Variants in NAA15 observed in about 807,000 individuals in gnomAD.
NAA15 encodes the protein N-terminal acetyltransferase.
Under a neutral mutation model 114.0 loss-of-function variants are expected in NAA15, and 34 were observed. That is an observed-to-expected ratio of 0.30 (90% CI 0.23 to 0.40). NAA15 has a LOEUF of 0.40. Among genes scored for constraint, NAA15 ranks in the 10% least tolerant of loss-of-function variants. The pLI is 1.00. For synonymous variants in NAA15, 340 were observed against 338.0 expected (o/e 1.01, Z -0.06); for missense variants, 658 against 1,004.5 (o/e 0.66, Z 4.66).
intron 3 of NAA15, 21 bp downstream of exon 3, chr4:139,336,973 T>C: frequency 1.3e-6 from 2 of 1,523,078 alleles, no homozygotes; most frequent in Non-Finnish European, 1.8e-6. Flanking sequence ...TGAGATATAT[T>C]TAAGGTTTGA....
chr4:139,353,825 A>G (rs1215024740), intron 9 of NAA15, among the ~76,000 whole-genome samples: 1 of 152,230 alleles, frequency 6.6e-6, no homozygotes, highest in Non-Finnish European at 1.5e-5. Context: ...AAGTTTTTAT[A>G]AAATTACATC....
chr4:139,307,818 T>C (rs1179772382), intron 1 of NAA15, among the ~76,000 whole-genome samples: 1 of 152,156 alleles, frequency 6.6e-6, no homozygotes, highest in Non-Finnish European at 1.5e-5. Context: ...AAACTTTTTT[T>C]CTTTTCAGGG....
intron 14 of NAA15, among the ~76,000 whole-genome samples, chr4:139,362,737 T>G (rs1336592217): frequency 2.6e-5 from 4 of 152,186 alleles, no homozygotes; most frequent in Admixed American, 2.0e-4. Flanking sequence ...GTTTTTATAG[T>G]AGGGTATCGG....
At chr4:139,305,438 A>T (rs143670662) in intron 1 of NAA15, among the ~76,000 whole-genome samples, 11 of 151,840 alleles carry the variant, frequency 7.2e-5, no homozygotes, top group Non-Finnish European at 1.5e-5. Context: ...TAGTGCTTTT[A>T]AGATTTTTTT....
At chr4:139,308,873 C>T (rs1368346732) in intron 1 of NAA15, among the ~76,000 whole-genome samples, 1 of 151,880 alleles carries the variant, frequency 6.6e-6, no homozygotes, top group African/African-American at 2.4e-5. Flanking sequence ...ACCTCAGCCT[C>T]TCCCAAGTGC....
At chr4:139,304,175 T>C (rs981321296) in intron 1 of NAA15, among the ~76,000 whole-genome samples, 2 of 152,252 alleles carry the variant, frequency 1.3e-5, no homozygotes, top group African/African-American at 4.8e-5. Flanking sequence ...GCCTCGGCCT[T>C]CCGAAGTGCT....
intron 1 of NAA15, among the ~76,000 whole-genome samples, chr4:139,317,943 C>A (rs992890201): frequency 6.6e-6 from 1 of 152,156 alleles, no homozygotes; most frequent in Non-Finnish European, 1.5e-5. Flanking sequence ...AATGTTCTTT[C>A]TTCAAGTGAC....
At chr4:139,370,999 C>A (rs1748420679) in intron 15 of NAA15, among the ~76,000 whole-genome samples, 1 of 152,154 alleles carries the variant, frequency 6.6e-6, no homozygotes, top group South Asian at 2.1e-4. Context: ...AAGCTGAAAC[C>A]AAGATACTCA....
chr4:139,357,497 C>T lies in NAA15; in HGVS notation c.1199C>T (p.Ala400Val). 1 of 1,611,748 alleles carries T rather than the reference C, an allele frequency of 6.2e-7. No homozygotes were observed. The highest frequency in any genetic ancestry group is 8.5e-7 in the Non-Finnish European group (1 of 1,177,982). Residue 400 changes from alanine (A) to valine (V), a missense_variant, in exon 11 of 20, where the codon GCT (alanine) becomes GTT (valine). By Grantham distance (64) the Ala-to-Val change is moderately conservative. Transcript: ENST00000296543. ...ATTGCTTTGGAGTACATAAATACTG[C>T]TATTGAAAGTACACCTACATTAATA... ...PSIALEYINT[A>V]IESTPTLIEL... is the part of the protein sequence containing the mutation.
chr4:139,327,710 G>C (rs6829675), intron 1 of NAA15, among the ~76,000 whole-genome samples: 33,737 of 152,130 alleles, frequency 0.22, 4,121 homozygotes, highest in South Asian at 0.39. Flanking sequence ...CTGTTGCCCA[G>C]GCTGGAGTGC....
At chr4:139,371,497 G>GCACACA (rs35581039) in intron 15 of NAA15, among the ~76,000 whole-genome samples, 12,159 of 113,490 alleles carry the variant, frequency 0.11, 1,069 homozygotes, top group East Asian at 0.17. Flanking sequence ...AAGAAAAGTA[G>GCACACA]CACACACACA....
chr4:139,328,585 T>C (rs1002888262), intron 1 of NAA15, among the ~76,000 whole-genome samples: 1 of 151,016 alleles, frequency 6.6e-6, no homozygotes, highest in Non-Finnish European at 1.5e-5. Flanking sequence ...TTTTTTTTTT[T>C]TGAGATGGAG....
chr4:139,353,995 A>G (rs754513625), intron 9 of NAA15, 31 bp from the exon 10 acceptor site: 5 of 1,564,264 alleles, frequency 3.2e-6, no homozygotes, highest in South Asian at 1.1e-5. Flanking sequence ...TGTTTTTTCT[A>G]TTAAAGTGTG....
Position 139,330,055 on chromosome 4 carries a change from A to T in NAA15, c.55-4119A>T, listed in dbSNP as rs543314708. Among the ~76,000 whole-genome samples, 73 of 152,284 alleles carry T rather than the reference A, an allele frequency of 4.8e-4. No individual in the cohort carries two copies. The South Asian group carries it at 0.015, about 32-fold the overall frequency. ...TCATATATTTTGTCCAGTTTTCTTT[A>T]TGATGAAAGAAAAAGTTCAGCTTCA... On this transcript the variant is annotated intron_variant, in intron 1 of 19. Transcript: ENST00000296543.
intron 3 of NAA15, among the ~76,000 whole-genome samples, chr4:139,338,436 GTTTT>G (rs887603145): frequency 6.6e-6 from 1 of 151,368 alleles, no homozygotes; most frequent in African/African-American, 2.4e-5. Flanking sequence ...ACATTCTGGG[GTTTT>G]TTTTTGTTTG....
chr4:139,389,656 G>A lies in NAA15; in HGVS notation c.*1572G>A, dbSNP rs1748998443. The A allele has an allele frequency of 6.6e-6, 1 of 152,628 alleles. No individual in the cohort carries two copies. The highest frequency in any genetic ancestry group is 2.4e-5 in the African/African-American group (1 of 41,452). 9.5% of individuals were successfully genotyped at this position (152,628 alleles called of 1,614,324 possible). ...TAGCCTCAGGCTTAATATTCTCATTGCATTTGCAAGATCTGAGCAAATAAG... is the reference window on the plus strand; with the variant it reads ...TAGCCTCAGGCTTAATATTCTCATTACATTTGCAAGATCTGAGCAAATAAG... On this transcript the variant is annotated 3_prime_UTR_variant, in exon 20 of 20. Transcript: ENST00000296543.
Position 139,312,441 on chromosome 4 carries a change from G to A in NAA15, c.54+10610G>A, listed in dbSNP as rs533546657. Among the ~76,000 whole-genome samples, 5 of 152,024 alleles carry A rather than the reference G, an allele frequency of 3.3e-5. No homozygotes were observed. The South Asian group carries it at 1.0e-3, about 32-fold the overall frequency. ...TAAAGTTGTAACTTTAAGAACACTA[G>A]TCTAACTTGTTGCCTGTGGTTTTTT... On this transcript the variant is annotated intron_variant, in intron 1 of 19. Coordinates refer to ENST00000296543, the MANE Select transcript of NAA15 (RefSeq NM_057175.5).
At chr4:139,333,509 A>C (rs766220737) in intron 1 of NAA15, among the ~76,000 whole-genome samples, 13 of 151,292 alleles carry the variant, frequency 8.6e-5, no homozygotes, top group Non-Finnish European at 1.3e-4. Flanking sequence ...TGTATTTTGC[A>C]TGGACTTTTT....
intron 1 of NAA15, among the ~76,000 whole-genome samples, chr4:139,313,216 A>G (rs911454705): frequency 6.6e-6 from 1 of 151,964 alleles, no homozygotes; most frequent in Admixed American, 6.6e-5. Context: ...CTCCTTTTAC[A>G]CATGGTTGCT....
Sources: gnomAD v4.1 joint callset for allele counts (sites outside exome capture counted in the v4.1 genomes callset) on GRCh38, gnomAD v4.1.1 for gene constraint, MANE v1.5 for transcripts, NCBI Gene and HGNC (gene_info 2026-07-23, HGNC 2026-07-21) for gene names.